Variants in KIAA1549 observed in about 807,000 individuals in gnomAD.
KIAA1549 encodes the protein KIAA1549.
Under a neutral mutation model 156.4 loss-of-function variants are expected in KIAA1549, and 70 were observed. The ratio of observed to expected loss-of-function variants is 0.45; its 90% confidence interval spans 0.37 to 0.55. The LOEUF (loss-of-function observed/expected upper bound fraction) is 0.55. KIAA1549 is among the 20% of genes least tolerant of loss of function. The pLI is 0.00. For missense variants in KIAA1549, 2,428 were observed against 2,540.9 expected (o/e 0.96, Z 0.96); for synonymous variants, 1,103 against 1,066.4 (o/e 1.03, Z -0.67).
At chr7:138,902,723 C>T (rs1249686206) in intron 8 of KIAA1549, among the ~76,000 whole-genome samples, 3 of 152,012 alleles carry the variant, frequency 2.0e-5, no homozygotes, top group African/African-American at 4.8e-5. Context: ...GCAAAAGAGT[C>T]GCTTGCACCT....
chr7:138,955,312 A>G (rs1441434926), intron 1 of KIAA1549, among the ~76,000 whole-genome samples: 1 of 152,244 alleles, frequency 6.6e-6, no homozygotes, highest in African/African-American at 2.4e-5. Context: ...AGCCTCAAAA[A>G]GGAAGGAAAT....
intron 18 of KIAA1549, 118 bp from the exon 19 acceptor site, chr7:138,840,396 A>G: frequency 2.3e-6 from 2 of 861,322 alleles, no homozygotes; most frequent in South Asian, 1.9e-5. Context: ...ATGACAAGGG[A>G]TCAGGACTTG....
At chr7:138,915,356 T>C (rs1002684190) in intron 2 of KIAA1549, among the ~76,000 whole-genome samples, 20 of 152,026 alleles carry the variant, frequency 1.3e-4, no homozygotes, top group Non-Finnish European at 1.2e-4. Context: ...TACCCATCTG[T>C]ATATCCCTAG....
At chr7:138,970,446 C>T (rs186143275) in intron 1 of KIAA1549, among the ~76,000 whole-genome samples, 34 of 152,286 alleles carry the variant, frequency 2.2e-4, no homozygotes, top group African/African-American at 7.2e-4. Context: ...CAGTTTTGCC[C>T]GATGGCTTGA....
rs554186641 is a variant in KIAA1549 at position 138,845,788 on chromosome 7, A to G, written c.5295-1314T>C. Among the ~76,000 whole-genome samples, 6 of 152,228 alleles carry G rather than the reference A, an allele frequency of 3.9e-5. No homozygotes were observed. The East Asian group carries it at 9.6e-4, about 24-fold the overall frequency. On this transcript the variant is annotated intron_variant, in intron 17 of 19. Transcript: ENST00000422774. ...CAGGCAGACAAGTTCCCAAAATTCAAATTTTCACTTGAAAGCTCATTTTAT... is the reference window on the plus strand; with the variant it reads ...CAGGCAGACAAGTTCCCAAAATTCAGATTTTCACTTGAAAGCTCATTTTAT...
chr7:138,903,860 C>CGT (rs143461168), intron 7 of KIAA1549, 124 bp from the exon 8 acceptor site: 175,156 of 628,068 alleles, frequency 0.28, 33,330 homozygotes, highest in Middle Eastern at 0.49. Context: ...TGTGCGCGCG[C>CGT]GCGCGCGCGC....
chr7:138,906,023 T>G (rs1811997005), intron 6 of KIAA1549, among the ~76,000 whole-genome samples: 1 of 152,222 alleles, frequency 6.6e-6, no homozygotes, highest in Non-Finnish European at 1.5e-5. Context: ...TCGTCCTCCC[T>G]AAATTATGCC....
In KIAA1549 at chr7:138,833,836, T is replaced by G. The variant is rs1227839550; in HGVS notation, c.*4070A>C. On this transcript the variant is annotated 3_prime_UTR_variant, in exon 20 of 20. Coordinates refer to ENST00000422774, the MANE Select transcript of KIAA1549 (RefSeq NM_001164665.2). ...CACTGGAGTACTTCCTCTGTAGATC[T>G]TCACAGCCCTGGTCGTTTCCTTGCT... 1.7e-5 allele frequency: 4 copies of G among 233,204 alleles called. No individual in the cohort carries two copies. Among genetic ancestry groups the G allele is most frequent in the Non-Finnish European group, 3.4e-5 (4 of 118,064 alleles). 14.4% of individuals were successfully genotyped at this position (233,204 alleles called of 1,614,324 possible).
At chr7:138,840,053 G>A (rs1809863316) in intron 19 of KIAA1549, 80 bp downstream of exon 19, 1 of 1,309,552 alleles carries the variant, frequency 7.6e-7, no homozygotes, top group Non-Finnish European at 1.0e-6. Flanking sequence ...GCCTCCCAAA[G>A]TGCTGGGATT....
chr7:138,946,239 G>GT (rs1813332470), intron 1 of KIAA1549, among the ~76,000 whole-genome samples: 1 of 152,128 alleles, frequency 6.6e-6, no homozygotes, highest in Non-Finnish European at 1.5e-5. Context: ...ACTGGTTATA[G>GT]TTTTCTCTTT....
In KIAA1549 at chr7:138,917,738, G is replaced by C. The variant is rs369518019; in HGVS notation, c.1888C>G (p.Pro630Ala). The C allele has an allele frequency of 2.0e-5, 31 of 1,588,440 alleles. No homozygotes were observed. The highest frequency in any genetic ancestry group is 2.7e-5 in the Non-Finnish European group (31 of 1,167,222). ...LDFASSFFST[P>A]PLELSGSISS... ...ATGGAGCCGCTGAGTTCCAGCGGGG[G>C]TGTTGAGAAAAAGCTGGATGCAAAA... Residue 630 changes from proline (P) to alanine (A), a missense_variant, in exon 2 of 20, where the codon CCC becomes GCC. Around this residue, in one of 5 missense-constraint regions of KIAA1549, gnomAD observed 893 missense variants for 847.9 expected, o/e 1.05. Coordinates refer to ENST00000422774, the MANE Select transcript of KIAA1549 (RefSeq NM_001164665.2).
intron 15 of KIAA1549, among the ~76,000 whole-genome samples, chr7:138,862,414 G>T (rs1393099051): frequency 1.3e-5 from 2 of 150,920 alleles, no homozygotes; most frequent in African/African-American, 4.9e-5. Flanking sequence ...TGAGTCAGGA[G>T]AATCTCCTAA....
Position 138,852,123 on chromosome 7 carries a change from T to A in KIAA1549, c.5294+100A>T, listed in dbSNP as rs1355646483. ...ATCAAGAGAATATACAACGCAGAGTTTTACATCTGCTCATATTAGCTAAAA... is the reference window on the plus strand; with the variant it reads ...ATCAAGAGAATATACAACGCAGAGTATTACATCTGCTCATATTAGCTAAAA... On this transcript the variant is annotated intron_variant, in intron 17 of 19. Transcript: ENST00000422774. The A allele has an allele frequency of 1.3e-5, 10 of 751,448 alleles. No individual in the cohort carries two copies. In the East Asian group the frequency reaches 2.7e-4, roughly 20 times the overall value. 46.5% of individuals were successfully genotyped at this position (751,448 alleles called of 1,614,324 possible). A position where few individuals can be genotyped will look rare whatever the true frequency, so the allele number is the denominator to read the frequency against.
intron 1 of KIAA1549, among the ~76,000 whole-genome samples, chr7:138,969,575 A>C (rs1288759304): frequency 6.6e-6 from 1 of 152,060 alleles, no homozygotes; most frequent in Non-Finnish European, 1.5e-5. Flanking sequence ...TTTATGGGTT[A>C]TATGAGTTTT....
At chr7:138,900,711 A>C (rs55820472) in intron 8 of KIAA1549, among the ~76,000 whole-genome samples, 16,278 of 152,200 alleles carry the variant, frequency 0.11, 889 homozygotes, top group African/African-American at 0.13. Flanking sequence ...TTGCTCTACT[A>C]GTTCCTGAGA....
Position 138,869,815 on chromosome 7 carries a change from G to A in KIAA1549, c.4552-54C>T, listed in dbSNP as rs554779920. 3.2e-4 allele frequency: 403 copies of A among 1,262,852 alleles called. 1 individual carries two copies. Among genetic ancestry groups the A allele is most frequent in the Middle Eastern group, 6.8e-4 (3 of 4,416 alleles). 78.2% of individuals were successfully genotyped at this position (1,262,852 alleles called of 1,614,324 possible). ...GCCATAGAGGTCCCGGGAAGCTTCT[G>A]GGACACACACTTCGCAAAGTCTTTA... On this transcript the variant is annotated intron_variant, in intron 13 of 19. Coordinates refer to ENST00000422774, the MANE Select transcript of KIAA1549 (RefSeq NM_001164665.2).
chr7:138,953,402 T>G (rs762050834), intron 1 of KIAA1549, among the ~76,000 whole-genome samples: 5 of 152,088 alleles, frequency 3.3e-5, no homozygotes, highest in Non-Finnish European at 7.4e-5. Flanking sequence ...TGCAGCTTCA[T>G]CTCTACTTTT....
intron 8 of KIAA1549, among the ~76,000 whole-genome samples, chr7:138,900,955 G>T (rs1388321055): frequency 6.6e-6 from 1 of 152,186 alleles, no homozygotes; most frequent in East Asian, 1.9e-4. Context: ...AACATCAATG[G>T]ACTAAGATGT....
At chr7:138,904,212 G>A (rs1811943746) in intron 7 of KIAA1549, among the ~76,000 whole-genome samples, 1 of 152,212 alleles carries the variant, frequency 6.6e-6, no homozygotes, top group South Asian at 2.1e-4. Flanking sequence ...ATCTATTTCA[G>A]ACAAGATGAT....
Sources: allele counts gnomAD v4.1 joint callset (sites outside exome capture counted in the v4.1 genomes callset), GRCh38; gene constraint gnomAD v4.1.1; regional missense constraint gnomAD v4.1.1; transcripts MANE v1.5; gene names NCBI Gene and HGNC (gene_info 2026-07-23, HGNC 2026-07-21).